CACNG3: variants seen among roughly 807,000 people sequenced by gnomAD.
CACNG3 encodes voltage-dependent calcium channel gamma-3 subunit.
In CACNG3, 3 loss-of-function variants were observed where a neutral mutation model predicts 28.5. The observed-to-expected ratio is 0.11, with a 90% CI of 0.05 to 0.27. The LOEUF (loss-of-function observed/expected upper bound fraction) is 0.27. CACNG3 is among the 10% of genes least tolerant of loss of function. The pLI is 1.00. For synonymous variants in CACNG3, 174 were observed against 162.2 expected (o/e 1.07, Z -0.55); for missense variants, 236 against 414.4 (o/e 0.57, Z 3.74).
intron 1 of CACNG3, among the ~76,000 whole-genome samples, chr16:24,301,206 GA>G (rs745765634): frequency 0.058 from 5,669 of 98,254 alleles, 246 homozygotes; most frequent in Admixed American, 0.18. Flanking sequence ...GTGAGACTCT[GA>G]AAAAAAAAAA....
At position 24,319,234 on chromosome 16, in the gene CACNG3, A is replaced by G. The variant is rs186478979; in HGVS notation, c.212-27500A>G. Among the ~76,000 whole-genome samples the G allele has an allele frequency of 9.1e-4, 139 of 152,370 alleles. 2 individuals carry two copies. The highest frequency in any genetic ancestry group is 8.9e-3 in the Admixed American group (136 of 15,306). The stretch of plus-strand genomic sequence containing the variant: ...GCATTGCAATGGGAATACAGGTGCC[A>G]TAGTGAACTATGCGCATATTTAGGC... On this transcript the variant is annotated intron_variant, in intron 1 of 3. Transcript: ENST00000005284.
intron 3 of CACNG3, among the ~76,000 whole-genome samples, chr16:24,359,039 A>T (rs1900071949): frequency 6.6e-6 from 1 of 151,966 alleles, no homozygotes; most frequent in African/African-American, 2.4e-5. Context: ...CTCTCTTTGA[A>T]CTTCTTTCTT....
intron 2 of CACNG3, among the ~76,000 whole-genome samples, chr16:24,348,112 G>A (rs8048828): frequency 0.61 from 92,727 of 151,998 alleles, 28,612 homozygotes; most frequent in African/African-American, 0.69. Flanking sequence ...ACTCAAAATA[G>A]TGAGGCCAAG....
intron 1 of CACNG3, among the ~76,000 whole-genome samples, chr16:24,317,418 T>C (rs1488069802): frequency 1.3e-5 from 2 of 151,632 alleles, no homozygotes; most frequent in East Asian, 3.9e-4. Flanking sequence ...GGTGCATAAC[T>C]GTAATCCTAG....
chr16:24,257,097 A>ATTCTCT lies in CACNG3; in HGVS notation c.211+132_211+133insTTCTCT. 3 of 657,802 alleles carry ATTCTCT rather than the reference A, an allele frequency of 4.6e-6. No individual in the cohort carries two copies. The South Asian group carries it at 5.5e-5, about 12-fold the overall frequency. The allele number at this position is 657,802 out of a possible 1,614,324, so 40.7% of individuals were successfully genotyped here. A position where few individuals can be genotyped will look rare whatever the true frequency, so the allele number is the denominator to read the frequency against. On this transcript the variant is annotated intron_variant, in intron 1 of 3. Transcript: ENST00000005284. ...TATTGCTGAGAATGTGCAGGTGCCC[A>ATTCTCT]GACTCTGTTAACAGCAAGACTGACG...
rs144873851 is a variant in CACNG3 at position 24,289,101 on chromosome 16, A to G, written c.211+32136A>G. Among the ~76,000 whole-genome samples, 45 of 152,200 alleles carry G rather than the reference A, an allele frequency of 3.0e-4. No individual in the cohort carries two copies. In the East Asian group the frequency reaches 8.5e-3, roughly 29 times the overall value. On this transcript the variant is annotated intron_variant, in intron 1 of 3. Transcript: ENST00000005284. ...AGTGTCAGCATCTTAAGGAAACCGCATGTCTACAAAGGTAGTAAGAAAGTG... is the reference window on the plus strand; with the variant it reads ...AGTGTCAGCATCTTAAGGAAACCGCGTGTCTACAAAGGTAGTAAGAAAGTG...
intron 1 of CACNG3, among the ~76,000 whole-genome samples, chr16:24,280,253 T>C (rs1321793700): frequency 6.6e-6 from 1 of 152,218 alleles, no homozygotes; most frequent in Non-Finnish European, 1.5e-5. Flanking sequence ...TGGTTTTAAG[T>C]GAACATTAAA....
intron 1 of CACNG3, among the ~76,000 whole-genome samples, chr16:24,314,223 G>A (rs1212301136): frequency 6.6e-6 from 1 of 152,254 alleles, no homozygotes; most frequent in Non-Finnish European, 1.5e-5. Flanking sequence ...GGTCCAGCAC[G>A]AAATGAAAAT....
At chr16:24,318,980 G>C (rs9935334) in intron 1 of CACNG3, among the ~76,000 whole-genome samples, 98,418 of 152,054 alleles carry the variant, frequency 0.65, 32,095 homozygotes, top group Middle Eastern at 0.72. Flanking sequence ...TTCAATTCAT[G>C]GTATCTGGCT....
intron 1 of CACNG3, among the ~76,000 whole-genome samples, chr16:24,264,217 T>C (rs1898569626): frequency 6.6e-6 from 1 of 152,238 alleles, no homozygotes; most frequent in African/African-American, 2.4e-5. Context: ...TATACGAGGC[T>C]GCCTGGCCGA....
intron 1 of CACNG3, among the ~76,000 whole-genome samples, chr16:24,315,647 T>G (rs898022094): frequency 2.0e-5 from 3 of 151,362 alleles, no homozygotes; most frequent in Admixed American, 1.3e-4. Flanking sequence ...TTTCTCTCTC[T>G]CTCTCTCATT....
chr16:24,267,979 G>A (rs577745637), intron 1 of CACNG3, among the ~76,000 whole-genome samples: 27 of 152,228 alleles, frequency 1.8e-4, no homozygotes, highest in Non-Finnish European at 3.2e-4. Context: ...CCTCATATCT[G>A]GGCCAGCCCC....
intron 1 of CACNG3, among the ~76,000 whole-genome samples, chr16:24,298,546 G>T (rs1899063815): frequency 6.6e-6 from 1 of 152,134 alleles, no homozygotes; most frequent in African/African-American, 2.4e-5. Flanking sequence ...AATCTGCAAA[G>T]ATAATATAAG....
chr16:24,265,553 T>C (rs968877619), intron 1 of CACNG3, among the ~76,000 whole-genome samples: 3 of 152,008 alleles, frequency 2.0e-5, no homozygotes, highest in African/African-American at 7.2e-5. Flanking sequence ...CAGTGGTGTA[T>C]ATATATATTA....
At chr16:24,320,214 A>C (rs1225118069) in intron 1 of CACNG3, among the ~76,000 whole-genome samples, 4 of 152,228 alleles carry the variant, frequency 2.6e-5, no homozygotes. Flanking sequence ...TCATACTCAG[A>C]TGCGTTTCAG....
chr16:24,336,222 C>T (rs1899705619), intron 1 of CACNG3, among the ~76,000 whole-genome samples: 4 of 151,140 alleles, frequency 2.6e-5, no homozygotes, highest in Middle Eastern at 3.4e-3. Flanking sequence ...AACACTCTGT[C>T]TCCAAAAAAA....
intron 1 of CACNG3, among the ~76,000 whole-genome samples, chr16:24,277,326 G>C (rs1898764780): frequency 6.6e-6 from 1 of 152,182 alleles, no homozygotes; most frequent in Non-Finnish European, 1.5e-5. Flanking sequence ...TAATGTCTGA[G>C]ACACTTTTGG....
chr16:24,312,148 A>G (rs756657213), intron 1 of CACNG3, among the ~76,000 whole-genome samples: 1 of 152,190 alleles, frequency 6.6e-6, no homozygotes, highest in Non-Finnish European at 1.5e-5. Flanking sequence ...CTTGGTTCAC[A>G]GTGTGCCGGT....
At chr16:24,317,867 C>A (rs1899407975) in intron 1 of CACNG3, among the ~76,000 whole-genome samples, 1 of 152,152 alleles carries the variant, frequency 6.6e-6, no homozygotes, top group African/African-American at 2.4e-5. Context: ...TTCAGAAGTG[C>A]TTCCTTGAAG....
Sources: allele counts gnomAD v4.1 joint callset (sites outside exome capture counted in the v4.1 genomes callset), GRCh38; gene constraint gnomAD v4.1.1; transcripts MANE v1.5; gene names NCBI Gene and HGNC (gene_info 2026-07-23, HGNC 2026-07-21).